The following MKKS variants were observed in gnomAD, a reference collection of about 807,000 sequenced individuals.
The protein encoded by MKKS is molecular chaperone MKKS.
A neutral mutation model predicts 33.2 loss-of-function variants in MKKS; 29 were observed. That is an observed-to-expected ratio of 0.87 (90% confidence interval 0.65 to 1.19). The LOEUF is 1.19. MKKS is among the 50% of genes most tolerant of loss of function. MKKS has a pLI of 0.00. For missense variants in MKKS, 661 were observed against 662.3 expected (o/e 1.00, Z 0.02); for synonymous variants, 260 against 244.0 (o/e 1.07, Z -0.61).
intron 1 of MKKS, among the ~76,000 whole-genome samples, chr20:10,429,953 C>T (rs1199946471): frequency 6.6e-6 from 1 of 152,132 alleles, no homozygotes; most frequent in African/African-American, 2.4e-5. Flanking sequence ...AATTCTGAAG[C>T]TAAAGTTTGA....
intron 1 of MKKS, among the ~76,000 whole-genome samples, chr20:10,428,596 G>A (rs2065032665): frequency 6.6e-6 from 1 of 152,088 alleles, no homozygotes; most frequent in Non-Finnish European, 1.5e-5. Flanking sequence ...TCCAGCACTC[G>A]GGGAGGCTGA....
At chr20:10,425,194 G>A (rs2065007757) in intron 1 of MKKS, among the ~76,000 whole-genome samples, 2 of 152,152 alleles carry the variant, frequency 1.3e-5, no homozygotes, top group Admixed American at 6.5e-5. Flanking sequence ...TAACAAAAAT[G>A]TGATCATGAT....
At chr20:10,433,569 G>A (rs1161037503) in intron 1 of MKKS, among the ~76,000 whole-genome samples, 4 of 152,204 alleles carry the variant, frequency 2.6e-5, no homozygotes, top group Admixed American at 2.6e-4. Flanking sequence ...TCTTATCGGG[G>A]AGGAAGACGA....
At chr20:10,408,527 T>C in intron 4 of MKKS, 101 bp downstream of exon 4, 1 of 1,215,868 alleles carries the variant, frequency 8.2e-7, no homozygotes, top group South Asian at 1.3e-5. Flanking sequence ...TTTTGCTTTC[T>C]ATACTACCTA....
intron 1 of MKKS, among the ~76,000 whole-genome samples, chr20:10,431,093 T>C (rs1202223096): frequency 2.0e-5 from 3 of 152,192 alleles, no homozygotes; most frequent in Non-Finnish European, 4.4e-5. Context: ...GTGCCTAGCA[T>C]GTGGGAAGTG....
chr20:10,409,502 T>A (rs2064865311), intron 3 of MKKS, among the ~76,000 whole-genome samples: 1 of 152,132 alleles, frequency 6.6e-6, no homozygotes. Context: ...TTTCCAAATC[T>A]CCAAACGTAA....
At chr20:10,412,504 A>T (rs1450025402) in intron 3 of MKKS, 26 bp downstream of exon 3, 2 of 1,610,096 alleles carry the variant, frequency 1.2e-6, no homozygotes, top group African/African-American at 2.7e-5. Context: ...TAACTGTAAG[A>T]GGCAAAAGCA....
chr20:10,417,723 AAAC>A (rs1474787370), intron 2 of MKKS, among the ~76,000 whole-genome samples: 1 of 152,232 alleles, frequency 6.6e-6, no homozygotes, highest in African/African-American at 2.4e-5. Context: ...ATTATATATG[AAAC>A]AACATGATTA....
intron 1 of MKKS, chr20:10,431,659 T>C (rs2065054339): frequency 6.6e-6 from 1 of 152,234 alleles, no homozygotes; most frequent in South Asian, 2.1e-4. Flanking sequence ...CTCCTCTGAA[T>C]TAGTCTCAAT....
At chr20:10,418,965 C>T (rs1201059502) in intron 2 of MKKS, among the ~76,000 whole-genome samples, 1 of 152,036 alleles carries the variant, frequency 6.6e-6, no homozygotes, top group Non-Finnish European at 1.5e-5. Context: ...TGTTAAGCTT[C>T]TATGTTACTA....
chr20:10,416,356 G>A (rs1330589577), intron 2 of MKKS, among the ~76,000 whole-genome samples: 1 of 152,090 alleles, frequency 6.6e-6, no homozygotes, highest in Non-Finnish European at 1.5e-5. Context: ...GTAAGCTGGG[G>A]TCCTTTTCTG....
chr20:10,415,667 T>C (rs2064932959), intron 2 of MKKS, among the ~76,000 whole-genome samples: 1 of 152,252 alleles, frequency 6.6e-6, no homozygotes, highest in African/African-American at 2.4e-5. Context: ...GACTTCTATA[T>C]GTTAATTTGC....
In MKKS at chr20:10,413,655, CA is replaced by C. The variant is rs2064914999; in HGVS notation, c.-142del. 1 of 881,292 alleles carries C rather than the reference CA, an allele frequency of 1.1e-6. No individual in the cohort carries two copies. Among genetic ancestry groups the C allele is most frequent in the African/African-American group, 1.7e-5 (1 of 58,820 alleles). 54.6% of individuals were successfully genotyped at this position (881,292 alleles called of 1,614,324 possible). ...ATATGCAGCATTGTGGCTATAAAAT[CA>C]AAAAGTTCAATGTTTATGAAGCTAA... On this transcript the variant is annotated 5_prime_UTR_variant, in exon 3 of 6. An upstream open reading frame in the 5' UTR gains an earlier in-frame stop. Transcript: ENST00000347364.
At chr20:10,406,125 G>T (rs1419474522) in intron 5 of MKKS, among the ~76,000 whole-genome samples, 2 of 152,076 alleles carry the variant, frequency 1.3e-5, no homozygotes, top group Non-Finnish European at 2.9e-5. Context: ...CTTAAAATGG[G>T]AATGCACATA....
rs1202380016 is a variant in MKKS, at chr20:10,407,616, C to T, written c.1272G>A (p.Lys424=). The T allele has an allele frequency of 6.2e-7, 1 of 1,612,208 alleles. No homozygotes were observed. The highest frequency in any genetic ancestry group is 1.1e-5 in the South Asian group (1 of 91,016). ...ATCCGAAGAGGATTATCTTACATAC[C>T]TTGTGTCTGATATATGCAGCCAAAT... ...ETHLAAYIRH[K]THNDPESILK... Residue 424 remains lysine, a splice_region_variant and synonymous_variant, in exon 5 of 6, where the codon AAG becomes AAA. Coordinates refer to ENST00000347364, the MANE Select transcript of MKKS (RefSeq NM_170784.3).
chr20:10,405,653 T>C lies in MKKS; in HGVS notation c.1307A>G (p.Asp436Gly), dbSNP rs746696111. Residue 436 changes from aspartate (D) to glycine (G), a missense_variant, in exon 6 of 6, where the codon GAT (aspartate) becomes GGT (glycine). Transcript: ENST00000347364. ...HNDPESILKD[D>G]ECTQTELQLI... ...TTGAAGTTCTGTTTGAGTACATTCA[T>C]CATCTTTGAGAATGCTTTCTGGGTC... The C allele has an allele frequency of 5.5e-5, 88 of 1,613,996 alleles. No homozygotes were observed. The highest frequency in any genetic ancestry group is 7.0e-5 in the Non-Finnish European group (83 of 1,179,964).
Position 10,413,339 on chromosome 20 carries a change from T to G in MKKS, c.176A>C (p.Gln59Pro). 6.2e-7 allele frequency: 1 copy of G among 1,614,174 alleles called. No individual in the cohort carries two copies. Among genetic ancestry groups the G allele is most frequent in the African/African-American group, 1.3e-5 (1 of 75,054 alleles). ...AAGGTGACTGAGCAGAGCTGAGGAC[T>G]GTGAGGTTGTACACACGTAACCTCC... ...GFGGYVCTTS[Q>P]SSALLSHLLV... The change falls in exon 3 of 6, where the codon CAG becomes CCG. Residue 59 changes from glutamine (Q) to proline (P), a missense_variant. Coordinates refer to ENST00000347364, the MANE Select transcript of MKKS (RefSeq NM_170784.3).
At position 10,412,984 on chromosome 20, in the gene MKKS, CA is replaced by C. The variant is rs2064904503; in HGVS notation, c.530del (p.Leu177Ter). On this transcript the variant is annotated frameshift_variant, in exon 3 of 6. Coordinates refer to ENST00000347364, the MANE Select transcript of MKKS (RefSeq NM_170784.3). LOFTEE classifies it high-confidence loss of function. ...TTGTAAGCAAAAAGGCTCTCAGGAT[CA>C]AAGCACTGACATGCTCTGTTTCCTT... ...TRKETEHVSA[L>X]ILRAFLLTIP... The C allele has an allele frequency of 1.2e-6, 2 of 1,614,066 alleles. No homozygotes were observed. Among genetic ancestry groups the C allele is most frequent in the Non-Finnish European group, 1.7e-6 (2 of 1,180,034 alleles).
intron 1 of MKKS, among the ~76,000 whole-genome samples, chr20:10,430,045 AC>A (rs2065043879): frequency 6.6e-6 from 1 of 152,020 alleles, no homozygotes; most frequent in Non-Finnish European, 1.5e-5. Flanking sequence ...AAACAAAAAA[AC>A]AAAAACAAAA....
Sources: gnomAD v4.1 joint callset for allele counts (sites outside exome capture counted in the v4.1 genomes callset) on GRCh38, gnomAD v4.1.1 for gene constraint, MANE v1.5 for transcripts, NCBI Gene and HGNC (gene_info 2026-07-23, HGNC 2026-07-21) for gene names.